TRPM3: variants seen among roughly 807,000 people sequenced by gnomAD.
TRPM3 encodes long transient receptor potential channel 3.
A neutral mutation model predicts 181.2 loss-of-function variants in TRPM3; 77 were observed. The observed-to-expected ratio is 0.42, with a 90% CI of 0.35 to 0.51. TRPM3 has a LOEUF of 0.51. TRPM3 is among the 20% of genes least tolerant of loss of function. TRPM3 has a pLI of 0.01. For missense variants in TRPM3, 1,759 were observed against 2,196.7 expected (o/e 0.80, Z 3.98); for synonymous variants, 745 against 796.4 (o/e 0.94, Z 1.09).
chr9:70,899,763 A>G (rs930366841), intron 1 of TRPM3, among the ~76,000 whole-genome samples: 3 of 152,222 alleles, frequency 2.0e-5, no homozygotes, highest in African/African-American at 7.2e-5. Flanking sequence ...TAGACTGTGA[A>G]CAACACTGGG....
At position 71,005,095 on chromosome 9, in the gene TRPM3, C is replaced by G. The variant is rs77993632; in HGVS notation, c.177+116083G>C. Among the ~76,000 whole-genome samples the G allele has an allele frequency of 5.0e-3, 754 of 152,212 alleles. 19 individuals are homozygous for G. In the East Asian group the frequency reaches 0.078, roughly 16 times the overall value. ...AATGGCTGAAAATTCACCATATCTA[C>G]AGAAAGGCAACAGCATTAAGATAAA... is the stretch of plus-strand genomic sequence containing the variant. On this transcript the variant is annotated intron_variant, in intron 1 of 25. Transcript: ENST00000677713.
chr9:70,698,100 CAGG>C (rs1284178096), intron 8 of TRPM3, among the ~76,000 whole-genome samples: 1 of 151,166 alleles, frequency 6.6e-6, no homozygotes, highest in South Asian at 2.1e-4. Context: ...CCCAGCTACT[CAGG>C]AGGCTGGGGC....
At chr9:71,263,787 CTTTT>C (rs1012413869) in intron 1 of TRPM3, among the ~76,000 whole-genome samples, 1 of 151,998 alleles carries the variant, frequency 6.6e-6, no homozygotes, top group African/African-American at 2.4e-5. Context: ...TTTCCTTCTT[CTTTT>C]TATTTTGAGA....
chr9:71,163,336 AGG>A (rs2076370087), intron 1 of TRPM3, among the ~76,000 whole-genome samples: 1 of 55,002 alleles, frequency 1.8e-5, no homozygotes, highest in Non-Finnish European at 4.2e-5. Flanking sequence ...AGATATAGGT[AGG>A]TAGGTAGGTA....
intron 1 of TRPM3, among the ~76,000 whole-genome samples, chr9:71,187,145 T>C (rs2134965359): frequency 6.6e-6 from 1 of 152,142 alleles, no homozygotes; most frequent in East Asian, 1.9e-4. Context: ...AATATCTTTT[T>C]AACAGTACTC....
intron 1 of TRPM3, among the ~76,000 whole-genome samples, chr9:71,102,366 G>T (rs577681980): frequency 6.6e-6 from 1 of 152,112 alleles, no homozygotes; most frequent in African/African-American, 2.4e-5. Flanking sequence ...GATATTTGTT[G>T]AACACGTTTT....
At chr9:70,924,851 C>A (rs1183495594) in intron 1 of TRPM3, among the ~76,000 whole-genome samples, 1 of 152,100 alleles carries the variant, frequency 6.6e-6, no homozygotes, top group Admixed American at 6.6e-5. Flanking sequence ...CCCCAACAAC[C>A]ATCTAAGAAC....
At chr9:71,421,316 A>G (rs1325657651) in intron 1 of TRPM3, among the ~76,000 whole-genome samples, 3 of 151,842 alleles carry the variant, frequency 2.0e-5, no homozygotes, top group Non-Finnish European at 4.4e-5. Flanking sequence ...ATCAGGCAGT[A>G]TACCCACGTA....
At chr9:70,959,883 C>T (rs776150707) in intron 1 of TRPM3, among the ~76,000 whole-genome samples, 1 of 152,138 alleles carries the variant, frequency 6.6e-6, no homozygotes. Context: ...TGTTATCAAG[C>T]CTTAGCAGGC....
intron 1 of TRPM3, among the ~76,000 whole-genome samples, chr9:71,263,942 G>T (rs1483740399): frequency 6.6e-6 from 1 of 152,052 alleles, no homozygotes; most frequent in Non-Finnish European, 1.5e-5. Context: ...ACCATGTCCA[G>T]CTAATTTTTA....
chr9:71,164,349 CT>C (rs1288795062), intron 1 of TRPM3, among the ~76,000 whole-genome samples: 7 of 152,176 alleles, frequency 4.6e-5, no homozygotes, highest in African/African-American at 1.7e-4. Flanking sequence ...CCAGTTTTCT[CT>C]TTTTTCTCTA....
intron 8 of TRPM3, among the ~76,000 whole-genome samples, chr9:70,696,529 A>G (rs2070519259): frequency 6.6e-6 from 1 of 152,196 alleles, no homozygotes; most frequent in African/African-American, 2.4e-5. Context: ...GAACATTCCC[A>G]TGTGCTCATA....
chr9:70,759,372 T>C (rs1396171205), intron 8 of TRPM3, among the ~76,000 whole-genome samples: 7 of 152,234 alleles, frequency 4.6e-5, no homozygotes, highest in Non-Finnish European at 8.8e-5. Context: ...GAAACACTTT[T>C]ACACTGTTGG....
chr9:71,193,993 A>G (rs1012942195), intron 1 of TRPM3, among the ~76,000 whole-genome samples: 1 of 152,012 alleles, frequency 6.6e-6, no homozygotes, highest in African/African-American at 2.4e-5. Context: ...ACACATATAC[A>G]AATTTTAAAA....
At chr9:70,606,651 G>GTGTGTGTATA (rs145779027) in intron 19 of TRPM3, among the ~76,000 whole-genome samples, 2,142 of 140,690 alleles carry the variant, frequency 0.015, 21 homozygotes, top group African/African-American at 0.021. Flanking sequence ...GTGTGTGTGT[G>GTGTGTGTATA]TATATATATA....
chr9:71,446,883 C>T (rs568922100), upstream of TRPM3: 268 of 1,460,240 alleles, frequency 1.8e-4, 1 homozygote, highest in Middle Eastern at 3.2e-3. Flanking sequence ...GCCGAGCGCT[C>T]TCGCTGGCTC....
intron 1 of TRPM3, among the ~76,000 whole-genome samples, chr9:71,418,192 A>G (rs2093666798): frequency 1.3e-5 from 2 of 151,908 alleles, no homozygotes; most frequent in Admixed American, 6.6e-5. Flanking sequence ...CACACTGGCA[A>G]TGGGAATCTC....
intron 1 of TRPM3, among the ~76,000 whole-genome samples, chr9:71,250,378 T>G (rs2082276136): frequency 6.6e-6 from 1 of 152,180 alleles, no homozygotes; most frequent in Non-Finnish European, 1.5e-5. Flanking sequence ...ATGAATTCAT[T>G]TATTTACATC....
At chr9:70,737,959 G>A (rs1481255233) in intron 8 of TRPM3, among the ~76,000 whole-genome samples, 1 of 152,138 alleles carries the variant, frequency 6.6e-6, no homozygotes. Flanking sequence ...GCACCAGACA[G>A]GTCATCAAGA....
Sources: gnomAD v4.1 joint callset for allele counts (sites outside exome capture counted in the v4.1 genomes callset) on GRCh38, gnomAD v4.1.1 for gene constraint, MANE v1.5 for transcripts, NCBI Gene and HGNC (gene_info 2026-07-23, HGNC 2026-07-21) for gene names.